DGKB: variants seen among roughly 807,000 people sequenced by gnomAD.
DGKB encodes the protein 90 kDa diacylglycerol kinase.
Under a neutral mutation model 114.3 loss-of-function variants are expected in DGKB, and 67 were observed. The ratio of observed to expected loss-of-function variants is 0.59; its 90% CI spans 0.48 to 0.72. The LOEUF (loss-of-function observed/expected upper bound fraction) is 0.72. Ranked by LOEUF, DGKB falls within the 30% of genes least tolerant of loss-of-function variation. The pLI is 0.00. For synonymous variants in DGKB, 398 were observed against 323.1 expected, an observed-to-expected ratio of 1.23 and a Z score of -2.49; for missense variants, 907 against 975.2, an observed-to-expected ratio of 0.93 and a Z score of 0.93.
chr7:14,281,173 A>C (rs1483252182), intron 23 of DGKB, among the ~76,000 whole-genome samples: 3 of 151,432 alleles, frequency 2.0e-5, no homozygotes, highest in Non-Finnish European at 4.4e-5. Flanking sequence ...AAGATCTACC[A>C]AGCAAATGGA....
At chr7:14,920,441 A>T (rs1784458676) in intron 1 of DGKB, among the ~76,000 whole-genome samples, 1 of 152,228 alleles carries the variant, frequency 6.6e-6, no homozygotes, top group African/African-American at 2.4e-5. Flanking sequence ...TATAAGAACA[A>T]TAAGGTGCCA....
At chr7:14,600,279 A>G (rs1222936909) in intron 17 of DGKB, among the ~76,000 whole-genome samples, 2 of 152,114 alleles carry the variant, frequency 1.3e-5, no homozygotes, top group Non-Finnish European at 1.5e-5. Flanking sequence ...TAACCTAATC[A>G]TTTGCTCATT....
At chr7:14,359,074 A>C (rs1457014873) in intron 21 of DGKB, among the ~76,000 whole-genome samples, 1 of 152,078 alleles carries the variant, frequency 6.6e-6, no homozygotes, top group Non-Finnish European at 1.5e-5. Context: ...ACAGTAACCA[A>C]AACAGCATGG....
At chr7:14,894,890 C>A (rs1035187760) in intron 1 of DGKB, among the ~76,000 whole-genome samples, 1 of 151,504 alleles carries the variant, frequency 6.6e-6, no homozygotes. Flanking sequence ...TAATGTGTAA[C>A]AAAGAAGAAA....
At chr7:14,533,485 A>G (rs909809841) in intron 20 of DGKB, among the ~76,000 whole-genome samples, 1 of 151,806 alleles carries the variant, frequency 6.6e-6, no homozygotes. Context: ...ACTTATTTAA[A>G]AGTTATTATT....
intron 23 of DGKB, among the ~76,000 whole-genome samples, chr7:14,291,162 A>AG (rs1427225528): frequency 1.3e-5 from 2 of 151,438 alleles, no homozygotes; most frequent in African/African-American, 2.4e-5. Context: ...AAAAAAAAAA[A>AG]AGAGAATGTT....
chr7:14,250,936 G>C (rs1362348195), intron 23 of DGKB, among the ~76,000 whole-genome samples: 1 of 152,106 alleles, frequency 6.6e-6, no homozygotes, highest in African/African-American at 2.4e-5. Context: ...TTCATCTTAT[G>C]TAAGCAGAGC....
Position 14,145,311 on chromosome 7 carries a change from T to C in DGKB, c.*3820A>G, listed in dbSNP as rs1244770975. Reference sequence around the variant, plus strand: ...ATTTTCTTAAAGTTTACAGCTTTAATATATGTTACAAGGGTTTAATCTTTT... The same window carrying C: ...ATTTTCTTAAAGTTTACAGCTTTAACATATGTTACAAGGGTTTAATCTTTT... On this transcript the variant is annotated 3_prime_UTR_variant, in exon 26 of 26. Transcript: ENST00000402815. 6.6e-6 allele frequency: 1 copy of C among 152,190 alleles called. No homozygotes were observed. Among genetic ancestry groups the C allele is most frequent in the African/African-American group, 2.4e-5 (1 of 41,464 alleles). 9.4% of individuals were successfully genotyped at this position (152,190 alleles called of 1,614,324 possible).
chr7:14,705,808 G>C (rs1826117168), intron 6 of DGKB, among the ~76,000 whole-genome samples: 1 of 151,954 alleles, frequency 6.6e-6, no homozygotes, highest in Non-Finnish European at 1.5e-5. Context: ...AAGAGCTCCT[G>C]AAGGAAGCGC....
chr7:14,426,004 A>G (rs1358905800), intron 21 of DGKB, among the ~76,000 whole-genome samples: 1 of 152,148 alleles, frequency 6.6e-6, no homozygotes, highest in Non-Finnish European at 1.5e-5. Flanking sequence ...TTGAAATTCA[A>G]ATTTTATCTA....
At chr7:14,863,313 T>G (rs905922793) in intron 1 of DGKB, among the ~76,000 whole-genome samples, 4 of 151,656 alleles carry the variant, frequency 2.6e-5, no homozygotes, top group African/African-American at 9.7e-5. Context: ...GTGTCTTTTA[T>G]GTTTTATAAA....
intron 1 of DGKB, among the ~76,000 whole-genome samples, chr7:14,885,760 C>T (rs1375688857): frequency 6.6e-6 from 1 of 151,722 alleles, no homozygotes; most frequent in African/African-American, 2.4e-5. Context: ...TATTATTAAT[C>T]CCATTTGAAA....
intron 2 of DGKB, among the ~76,000 whole-genome samples, chr7:14,821,987 G>T (rs1259640530): frequency 1.3e-5 from 2 of 152,166 alleles, no homozygotes; most frequent in Non-Finnish European, 2.9e-5. Context: ...CATTAAGGTT[G>T]AGTCATAACT....
At chr7:14,864,214 G>A (rs1232602192) in intron 1 of DGKB, among the ~76,000 whole-genome samples, 1 of 151,366 alleles carries the variant, frequency 6.6e-6, no homozygotes, top group East Asian at 1.9e-4. Context: ...TTACATAATA[G>A]TTTCGTACAG....
chr7:14,486,536 G>GT (rs1475588981), intron 20 of DGKB, among the ~76,000 whole-genome samples: 11 of 152,144 alleles, frequency 7.2e-5, no homozygotes, highest in Non-Finnish European at 1.2e-4. Context: ...ATCCAGGAAC[G>GT]TAAGAACCTG....
At chr7:14,894,809 T>A (rs1278014662) in intron 1 of DGKB, among the ~76,000 whole-genome samples, 1 of 151,568 alleles carries the variant, frequency 6.6e-6, no homozygotes, top group East Asian at 1.9e-4. Context: ...GTAGTTTGGA[T>A]AGAGTACATT....
At chr7:14,886,894 TACCC>T (rs1181956040) in intron 1 of DGKB, among the ~76,000 whole-genome samples, 1 of 151,922 alleles carries the variant, frequency 6.6e-6, no homozygotes, top group East Asian at 1.9e-4. Flanking sequence ...TCTCCTATCA[TACCC>T]ACTCCAGCCA....
At chr7:14,665,491 A>G (rs1228049342) in intron 13 of DGKB, among the ~76,000 whole-genome samples, 1 of 151,988 alleles carries the variant, frequency 6.6e-6, no homozygotes, top group Non-Finnish European at 1.5e-5. Flanking sequence ...TATATAATAA[A>G]CCTGTACATG....
At chr7:14,152,834 G>C (rs1782423769) in intron 25 of DGKB, among the ~76,000 whole-genome samples, 1 of 152,022 alleles carries the variant, frequency 6.6e-6, no homozygotes, top group South Asian at 2.1e-4. Flanking sequence ...GTAATGTTAA[G>C]AATAACAGCC....
Sources: allele counts gnomAD v4.1 joint callset (sites outside exome capture counted in the v4.1 genomes callset), GRCh38; gene constraint gnomAD v4.1.1; transcripts MANE v1.5; gene names NCBI Gene and HGNC (gene_info 2026-07-23, HGNC 2026-07-21).